Variants in HS3ST2 observed in about 807,000 individuals in gnomAD.
HS3ST2 encodes heparan sulfate-glucosamine 3-sulfotransferase 2.
Under a neutral mutation model 26.3 loss-of-function variants are expected in HS3ST2, and 17 were observed. The observed-to-expected ratio is 0.65, with a 90% confidence interval of 0.44 to 0.97. The LOEUF is 0.97. HS3ST2 is among the 50% of genes least tolerant of loss of function. HS3ST2 has a pLI of 0.00. For synonymous variants in HS3ST2, 237 were observed against 219.2 expected (o/e 1.08, Z -0.72); for missense variants, 402 against 501.2 (o/e 0.80, Z 1.89).
rs1454817424 is a variant in HS3ST2 at position 22,915,408 on chromosome 16, C to A, written c.950C>A (p.Thr317Lys). ...AAAGGATTCCCTTGCTTGAAAAAAA[C>A]AGAATCGAGCCTCCTGCCTCGATGC... Reference protein sequence around the residue: ...KTKGFPCLKKTESSLLPRCLG... With the variant: ...KTKGFPCLKKKESSLLPRCLG... The change falls in exon 2 of 2, where the codon ACA becomes AAA. Residue 317 changes from threonine to lysine, a missense_variant. Around this residue, in one of 2 missense-constraint regions of HS3ST2, gnomAD observed 237 missense variants for 346.6 expected, o/e 0.68. Coordinates refer to ENST00000261374, the MANE Select transcript of HS3ST2 (RefSeq NM_006043.2). 2 of 1,614,094 alleles carry A rather than the reference C, an allele frequency of 1.2e-6. No homozygotes were observed. Among genetic ancestry groups the A allele is most frequent in the African/African-American group, 2.7e-5 (2 of 75,034 alleles).
intron 1 of HS3ST2, among the ~76,000 whole-genome samples, chr16:22,864,523 C>T (rs1410444094): frequency 6.6e-6 from 1 of 152,076 alleles, no homozygotes; most frequent in Non-Finnish European, 1.5e-5. Context: ...TGGTCTGGTC[C>T]AGATCAAGAG....
At chr16:22,893,702 A>G (rs2141201749) in intron 1 of HS3ST2, among the ~76,000 whole-genome samples, 1 of 150,800 alleles carries the variant, frequency 6.6e-6, no homozygotes, top group Admixed American at 6.6e-5. Context: ...ATTCTTAGCA[A>G]ACTAACACAG....
At chr16:22,855,250 G>A (rs1292470833) in intron 1 of HS3ST2, among the ~76,000 whole-genome samples, 1 of 152,082 alleles carries the variant, frequency 6.6e-6, no homozygotes, top group Admixed American at 6.6e-5. Flanking sequence ...CCCAAGCAGA[G>A]GGCAATGGAT....
chr16:22,828,284 T>C (rs1161717333), intron 1 of HS3ST2, among the ~76,000 whole-genome samples: 1 of 152,172 alleles, frequency 6.6e-6, no homozygotes, highest in Non-Finnish European at 1.5e-5. Flanking sequence ...TGAGATCTGT[T>C]AAAGGTGAAA....
At chr16:22,815,118 C>T in intron 1 of HS3ST2, 23 bp downstream of exon 1, 4 of 1,606,792 alleles carry the variant, frequency 2.5e-6, no homozygotes, top group Non-Finnish European at 2.5e-6. Flanking sequence ...AGCTCCGCTC[C>T]GTGCGCCGGG....
Position 22,814,566 on chromosome 16 carries a change from G to A in HS3ST2, c.-45G>A, listed in dbSNP as rs774660491. ...CAGGGCCACAGCAGCTCAGCCGCCG[G>A]TGCCCCCTCGGAAACCATGACCCCC... On this transcript the variant is annotated 5_prime_UTR_variant, in exon 1 of 2. It adds an upstream start codon to the 5' untranslated region. Coordinates refer to ENST00000261374, the MANE Select transcript of HS3ST2 (RefSeq NM_006043.2). The A allele has an allele frequency of 1.4e-6, 2 of 1,469,822 alleles. No homozygotes were observed. The highest frequency in any genetic ancestry group is 1.3e-5 in the South Asian group (1 of 74,364). The allele number at this position is 1,469,822 out of a possible 1,614,324, so 91.0% of individuals were successfully genotyped here. A position where few individuals can be genotyped will look rare whatever the true frequency, so the allele number is the denominator to read the frequency against.
chr16:22,820,176 C>T (rs1027107975), intron 1 of HS3ST2, among the ~76,000 whole-genome samples: 2 of 152,190 alleles, frequency 1.3e-5, no homozygotes, highest in African/African-American at 2.4e-5. Context: ...TAAACCCCCC[C>T]CCATTTGTCT....
chr16:22,881,268 G>T (rs928264014), intron 1 of HS3ST2, among the ~76,000 whole-genome samples: 3 of 152,230 alleles, frequency 2.0e-5, no homozygotes, highest in African/African-American at 7.2e-5. Context: ...CAGGTGATTT[G>T]TGAAATGCTG....
At chr16:22,859,278 T>C (rs1901643993) in intron 1 of HS3ST2, among the ~76,000 whole-genome samples, 1 of 152,256 alleles carries the variant, frequency 6.6e-6, no homozygotes, top group Non-Finnish European at 1.5e-5. Flanking sequence ...CCTTAGCGAC[T>C]AGTATGAAGT....
chr16:22,866,120 G>A lies in HS3ST2; in HGVS notation c.486-48824G>A, dbSNP rs528431406. ...AGAACAACATGACTGCACTTATTTA[G>A]TATTGTTCTGGAAGGTATAGCCAAT... On this transcript the variant is annotated intron_variant, in intron 1 of 1. Transcript: ENST00000261374. Among the ~76,000 whole-genome samples the A allele has an allele frequency of 3.3e-5, 5 of 152,184 alleles. No homozygotes were observed. In the South Asian group the frequency reaches 6.2e-4, roughly 19 times the overall value.
At chr16:22,837,355 C>G (rs1901273855) in intron 1 of HS3ST2, among the ~76,000 whole-genome samples, 1 of 151,730 alleles carries the variant, frequency 6.6e-6, no homozygotes, top group African/African-American at 2.4e-5. Flanking sequence ...ATAGCAAGTA[C>G]TATATAGGAG....
chr16:22,910,563 ATAC>A (rs1902413045), intron 1 of HS3ST2, among the ~76,000 whole-genome samples: 2 of 152,190 alleles, frequency 1.3e-5, no homozygotes, highest in African/African-American at 4.8e-5. Flanking sequence ...AATGTACTCA[ATAC>A]TACTTTTTTT....
chr16:22,832,171 A>ATTTTTTTTTTTTTTT (rs1289839839), intron 1 of HS3ST2, among the ~76,000 whole-genome samples: 29 of 112,202 alleles, frequency 2.6e-4, no homozygotes, highest in East Asian at 5.2e-4. Context: ...TTTTTTTTTA[A>ATTTTTTTTTTTTTTT]TTTTTAGTGG....
intron 1 of HS3ST2, among the ~76,000 whole-genome samples, chr16:22,861,001 T>A (rs1901665678): frequency 6.6e-6 from 1 of 151,786 alleles, no homozygotes. Context: ...GCCTCCTGAG[T>A]AGCCAGGACT....
rs111354737 is a variant in HS3ST2 at position 22,837,483 on chromosome 16, A to ATG, written c.485+22404_485+22405dup. On this transcript the variant is annotated intron_variant, in intron 1 of 1. Transcript: ENST00000261374. The stretch of plus-strand genomic sequence containing the variant: ...ACCCTATATATAATGTTTTTTTCCT[A>ATG]TGTGTGTGTGTGTGTGTATATATAT... Among the ~76,000 whole-genome samples the ATG allele has an allele frequency of 6.2e-3, 903 of 144,960 alleles. 5 individuals carry two copies. Among genetic ancestry groups the ATG allele is most frequent in the East Asian group, 0.02 (99 of 4,962 alleles).
At chr16:22,860,412 T>C (rs922290854) in intron 1 of HS3ST2, among the ~76,000 whole-genome samples, 7 of 152,204 alleles carry the variant, frequency 4.6e-5, no homozygotes, top group African/African-American at 1.7e-4. Context: ...CACATGGGAA[T>C]TATGGGAGCT....
At chr16:22,879,883 A>G (rs540971541) in intron 1 of HS3ST2, among the ~76,000 whole-genome samples, 14 of 152,316 alleles carry the variant, frequency 9.2e-5, no homozygotes, top group African/African-American at 3.1e-4. Context: ...TTTCATGACC[A>G]TGAACCCCAG....
chr16:22,832,980 G>T (rs1180951236), intron 1 of HS3ST2, among the ~76,000 whole-genome samples: 1 of 152,010 alleles, frequency 6.6e-6, no homozygotes, highest in Non-Finnish European at 1.5e-5. Context: ...AGAGCTGGGG[G>T]ACAACATCTA....
intron 1 of HS3ST2, among the ~76,000 whole-genome samples, chr16:22,863,202 G>C (rs1392604694): frequency 6.6e-6 from 1 of 152,218 alleles, no homozygotes; most frequent in African/African-American, 2.4e-5. Context: ...TGCCCTTTGG[G>C]ATAGCACATC....
Sources: gnomAD v4.1 joint callset for allele counts (sites outside exome capture counted in the v4.1 genomes callset) on GRCh38, gnomAD v4.1.1 for gene constraint, gnomAD v4.1.1 regional missense constraint, MANE v1.5 for transcripts, NCBI Gene and HGNC (gene_info 2026-07-23, HGNC 2026-07-21) for gene names.